Variants in UTRN observed in about 807,000 individuals in gnomAD.
The protein encoded by UTRN is dystrophin-related protein 1.
Under a neutral mutation model 463.9 loss-of-function variants are expected in UTRN, and 283 were observed. That is an observed-to-expected ratio of 0.61 (90% CI 0.55 to 0.67). UTRN has a LOEUF of 0.67. UTRN is among the 30% of genes least tolerant of loss of function. UTRN has a pLI of 0.00. For synonymous variants in UTRN, 1,442 were observed against 1,431.5 expected, an observed-to-expected ratio of 1.01 and a Z score of -0.17; for missense variants, 3,922 against 4,084.3, an observed-to-expected ratio of 0.96 and a Z score of 1.08.
chr6:144,730,133 T>C (rs1005230917), intron 53 of UTRN, among the ~76,000 whole-genome samples: 3 of 152,254 alleles, frequency 2.0e-5, no homozygotes, highest in Non-Finnish European at 4.4e-5. Flanking sequence ...TTTAAAGCTG[T>C]TTCTTTTTTT....
In UTRN at chr6:144,779,685, GAAAA is replaced by G. The variant is rs1775645138; in HGVS notation, c.8633-2234_8633-2231del. ...GCACGTTCAGTGCTTAACTTTAATTGAAAAAACTCCACGTGTAGGTGGACCCTCA... is the reference window on the plus strand; with the variant it reads ...GCACGTTCAGTGCTTAACTTTAATTGAACTCCACGTGTAGGTGGACCCTCA... On this transcript the variant is annotated intron_variant, in intron 60 of 74. Transcript: ENST00000367545. 3.9e-5 allele frequency among the ~76,000 whole-genome samples: 6 copies of G among 152,178 alleles called. No homozygotes were observed. The South Asian group carries it at 1.2e-3, about 32-fold the overall frequency.
intron 69 of UTRN, among the ~76,000 whole-genome samples, chr6:144,829,620 A>G (rs929201790): frequency 4.0e-5 from 6 of 151,828 alleles, no homozygotes; most frequent in Non-Finnish European, 1.5e-5. Flanking sequence ...AGCTTATGTG[A>G]CTAACAAAGC....
At chr6:144,797,186 GA>G (rs1284039698) in intron 63 of UTRN, among the ~76,000 whole-genome samples, 1 of 137,634 alleles carries the variant, frequency 7.3e-6, no homozygotes, top group Non-Finnish European at 1.5e-5. Context: ...TGTCTTAGAT[GA>G]AATTTTTTTT....
At chr6:144,689,129 G>A (rs527888628) in intron 52 of UTRN, among the ~76,000 whole-genome samples, 1 of 152,282 alleles carries the variant, frequency 6.6e-6, no homozygotes, top group African/African-American at 2.4e-5. Flanking sequence ...TACATATAGA[G>A]AGGGACTGTG....
At chr6:144,820,832 T>C (rs768508276) in intron 65 of UTRN, 50 bp from the exon 66 acceptor site, 2 of 1,580,198 alleles carry the variant, frequency 1.3e-6, no homozygotes, top group Non-Finnish European at 8.6e-7. Flanking sequence ...TATAGATAGT[T>C]ATTGCCTTCC....
intron 48 of UTRN, 92 bp downstream of exon 48, chr6:144,551,174 C>T: frequency 1.3e-6 from 1 of 743,002 alleles, no homozygotes. Flanking sequence ...CACACAAACA[C>T]ATTTTCAAAG....
chr6:144,302,978 T>C (rs910169678), intron 2 of UTRN, among the ~76,000 whole-genome samples: 2 of 152,154 alleles, frequency 1.3e-5, no homozygotes, highest in African/African-American at 4.8e-5. Flanking sequence ...GAAGCAGGGT[T>C]TATTTGATCT....
chr6:144,329,463 A>G (rs528896166), intron 2 of UTRN, among the ~76,000 whole-genome samples: 2 of 152,308 alleles, frequency 1.3e-5, no homozygotes, highest in South Asian at 4.1e-4. Context: ...AGTCTGTGAG[A>G]GAGTAGTATT....
At chr6:144,440,531 T>C in intron 13 of UTRN, 60 bp downstream of exon 13, 2 of 1,604,984 alleles carry the variant, frequency 1.2e-6, no homozygotes, top group African/African-American at 2.7e-5. Context: ...CCCAATTACA[T>C]ATTGCCCTTG....
At chr6:144,728,255 C>G (rs1389894290) in intron 53 of UTRN, among the ~76,000 whole-genome samples, 1 of 151,744 alleles carries the variant, frequency 6.6e-6, no homozygotes, top group East Asian at 1.9e-4. Flanking sequence ...TTTTTCATGT[C>G]GTTATTATAT....
At chr6:144,357,600 A>G (rs80325171) in intron 2 of UTRN, among the ~76,000 whole-genome samples, 2,054 of 152,328 alleles carry the variant, frequency 0.013, 44 homozygotes, top group African/African-American at 0.047. Flanking sequence ...TTCATCCTCA[A>G]GTCTACAAGA....
chr6:144,533,386 A>T (rs1585153807), intron 43 of UTRN, 126 bp downstream of exon 43: 2 of 1,434,036 alleles, frequency 1.4e-6, no homozygotes, highest in Non-Finnish European at 1.8e-6. Context: ...GACATTTAAG[A>T]CCTCCACTGC....
intron 12 of UTRN, among the ~76,000 whole-genome samples, chr6:144,440,014 T>G (rs1786990322): frequency 6.6e-6 from 1 of 152,222 alleles, no homozygotes; most frequent in African/African-American, 2.4e-5. Flanking sequence ...CTGGACTTTT[T>G]TGCTTTACCA....
At chr6:144,288,433 A>G (rs534030980) in intron 1 of UTRN, among the ~76,000 whole-genome samples, 4 of 152,354 alleles carry the variant, frequency 2.6e-5, no homozygotes, top group South Asian at 2.1e-4. Context: ...GAAGAAAAGC[A>G]TTAGACTTAC....
chr6:144,422,877 A>C (rs1422878593), intron 4 of UTRN, among the ~76,000 whole-genome samples: 1 of 152,222 alleles, frequency 6.6e-6, no homozygotes, highest in Non-Finnish European at 1.5e-5. Context: ...GTGGGATGTC[A>C]TTCTCTCTCT....
At chr6:144,646,545 A>C (rs1242998974) in intron 51 of UTRN, among the ~76,000 whole-genome samples, 1 of 152,176 alleles carries the variant, frequency 6.6e-6, no homozygotes, top group Non-Finnish European at 1.5e-5. Flanking sequence ...GTATTATATT[A>C]AGGAAATATA....
At chr6:144,406,433 C>T (rs1337433558) in intron 3 of UTRN, among the ~76,000 whole-genome samples, 1 of 145,736 alleles carries the variant, frequency 6.9e-6, no homozygotes, top group African/African-American at 2.7e-5. Flanking sequence ...AATCTTGGCT[C>T]ATTGCAGCCT....
rs543840806 is a variant in UTRN, at chr6:144,652,848, T to G, written c.7480-25558T>G. On this transcript the variant is annotated intron_variant, in intron 51 of 74. Coordinates refer to ENST00000367545, the MANE Select transcript of UTRN (RefSeq NM_007124.3). ...AAGCTTGTTTCTATTGAGGGCTGGT[T>G]TGGTAGTGTTAGACCATCTGGCACC... Among the ~76,000 whole-genome samples the G allele has an allele frequency of 7.2e-5, 11 of 152,338 alleles. No homozygotes were observed. In the South Asian group the frequency reaches 2.3e-3, roughly 32 times the overall value.
chr6:144,724,460 C>T (rs1412430366), intron 53 of UTRN, among the ~76,000 whole-genome samples: 1 of 152,026 alleles, frequency 6.6e-6, no homozygotes, highest in Non-Finnish European at 1.5e-5. Flanking sequence ...AACTCCTGAC[C>T]TTGTGATCCT....
Sources: allele counts gnomAD v4.1 joint callset (sites outside exome capture counted in the v4.1 genomes callset), GRCh38; gene constraint gnomAD v4.1.1; transcripts MANE v1.5; gene names NCBI Gene and HGNC (gene_info 2026-07-23, HGNC 2026-07-21).